TTC27: variants seen among roughly 807,000 people sequenced by gnomAD.
TTC27 encodes tetratricopeptide repeat domain 27, also known as tetratricopeptide repeat protein 27.
TTC27 carries 79 observed loss-of-function variants against 115.9 expected under a neutral mutation model. That is an observed-to-expected ratio of 0.68 (90% CI 0.57 to 0.82). TTC27 has a LOEUF of 0.82. TTC27 is among the 40% of genes least tolerant of loss of function. TTC27 has a pLI of 0.00. For synonymous variants in TTC27, 401 were observed against 356.0 expected (o/e 1.13, Z -1.42); for missense variants, 1,054 against 993.1 (o/e 1.06, Z -0.82).
At chr2:32,678,253 CAAAAA>C (rs10710939) in intron 8 of TTC27, among the ~76,000 whole-genome samples, 3 of 99,144 alleles carry the variant, frequency 3.0e-5, no homozygotes, top group Non-Finnish European at 4.1e-5. Flanking sequence ...AGCCCTGTCT[CAAAAA>C]AAAAAAAAAA....
intron 13 of TTC27, among the ~76,000 whole-genome samples, chr2:32,775,548 T>C (rs1352338880): frequency 6.6e-6 from 1 of 152,186 alleles, no homozygotes; most frequent in Non-Finnish European, 1.5e-5. Context: ...TGTTCTTTGC[T>C]GATGCAGAAA....
chr2:32,684,169 A>G (rs553434114), intron 9 of TTC27, among the ~76,000 whole-genome samples: 37 of 152,122 alleles, frequency 2.4e-4, no homozygotes, highest in African/African-American at 8.7e-4. Flanking sequence ...GGGGGAAAAA[A>G]GTTTGTTTGG....
At chr2:32,815,872 G>A (rs941948588) in intron 18 of TTC27, among the ~76,000 whole-genome samples, 5 of 152,178 alleles carry the variant, frequency 3.3e-5, no homozygotes, top group South Asian at 4.1e-4. Flanking sequence ...AATGAGAAAT[G>A]TCAAAGTCTA....
Position 32,669,338 on chromosome 2 carries a change from T to C in TTC27, c.939+2570T>C, listed in dbSNP as rs117668520. ...GAAATAAAATACATTCAGATAATCT[T>C]ATGGTCTTTGTTAATTACTACTTGA... On this transcript the variant is annotated intron_variant, in intron 7 of 19. Coordinates refer to ENST00000317907, the MANE Select transcript of TTC27 (RefSeq NM_017735.5). 5.6e-4 allele frequency among the ~76,000 whole-genome samples: 85 copies of C among 152,332 alleles called. 3 individuals carry two copies. In the East Asian group the frequency reaches 0.015, roughly 27 times the overall value.
intron 12 of TTC27, among the ~76,000 whole-genome samples, chr2:32,744,337 T>C (rs1668745586): frequency 6.6e-6 from 1 of 152,160 alleles, no homozygotes; most frequent in Non-Finnish European, 1.5e-5. Context: ...TGTGGAAAAA[T>C]TTAGTTTTGA....
chr2:32,755,558 C>T (rs1558326940), intron 12 of TTC27, among the ~76,000 whole-genome samples: 1 of 151,552 alleles, frequency 6.6e-6, no homozygotes, highest in Non-Finnish European at 1.5e-5. Context: ...GGCTCGGCAT[C>T]AGAGGGAGAC....
intron 12 of TTC27, 48 bp from the exon 13 acceptor site, chr2:32,758,242 AAT>A: frequency 6.5e-7 from 1 of 1,535,512 alleles, no homozygotes; most frequent in Non-Finnish European, 8.9e-7. Context: ...TAAAAAAAAA[AAT>A]AGCAGTTAAT....
chr2:32,679,886 A>C (rs34110784), intron 9 of TTC27, among the ~76,000 whole-genome samples: 1 of 151,990 alleles, frequency 6.6e-6, no homozygotes, highest in Admixed American at 6.6e-5. Context: ...CAGCTACTCT[A>C]GAAGCTGAGA....
At chr2:32,666,921 T>G (rs1665799770) in intron 7 of TTC27, among the ~76,000 whole-genome samples, 153 bp downstream of exon 7, 1 of 151,890 alleles carries the variant, frequency 6.6e-6, no homozygotes, top group Non-Finnish European at 1.5e-5. Flanking sequence ...GGAGAACTGG[T>G]GTTTAACTGG....
At chr2:32,791,091 A>T (rs999507537) in intron 16 of TTC27, among the ~76,000 whole-genome samples, 1 of 152,184 alleles carries the variant, frequency 6.6e-6, no homozygotes, top group Admixed American at 6.5e-5. Context: ...TTTCTAGATT[A>T]TACATATTTT....
At chr2:32,682,844 G>GGTTTTTTTTTTTT (rs1553550061) in intron 9 of TTC27, among the ~76,000 whole-genome samples, 2 of 56,988 alleles carry the variant, frequency 3.5e-5, no homozygotes, top group African/African-American at 1.5e-4. Context: ...AATTTTTATT[G>GGTTTTTTTTTTTT]TTGTTTTTTT....
intron 16 of TTC27, among the ~76,000 whole-genome samples, chr2:32,800,528 C>T (rs1037805761): frequency 3.3e-5 from 5 of 151,478 alleles, no homozygotes; most frequent in South Asian, 2.1e-4. Flanking sequence ...GACAGAGTCT[C>T]GCTCTGTCGC....
intron 9 of TTC27, among the ~76,000 whole-genome samples, chr2:32,694,017 C>A (rs1666900474): frequency 6.6e-6 from 1 of 152,124 alleles, no homozygotes; most frequent in South Asian, 2.1e-4. Context: ...CTGGTTAGAA[C>A]CACCGTTGTA....
intron 3 of TTC27, among the ~76,000 whole-genome samples, chr2:32,636,623 G>C (rs1664438971): frequency 6.6e-6 from 1 of 152,172 alleles, no homozygotes; most frequent in Non-Finnish European, 1.5e-5. Flanking sequence ...TCTGTAGCTG[G>C]GGCATTGGAA....
intron 13 of TTC27, among the ~76,000 whole-genome samples, chr2:32,763,762 A>G (rs1669525724): frequency 6.6e-6 from 1 of 152,186 alleles, no homozygotes; most frequent in South Asian, 2.1e-4. Context: ...TACGCTTTGG[A>G]GATTGCTAGC....
In TTC27 at chr2:32,790,442, A is replaced by G. The variant is rs1162809660; in HGVS notation, c.1998+3293A>G. ...TCCATTTTATAATTTTATTAATAAT[A>G]TTTTAATTGGCAAACTCTAATTGTA... On this transcript the variant is annotated intron_variant, in intron 16 of 19. Transcript: ENST00000317907. 2.7e-4 allele frequency among the ~76,000 whole-genome samples: 41 copies of G among 152,118 alleles called. 1 individual carries two copies. Among genetic ancestry groups the G allele is most frequent in the Admixed American group, 2.7e-3 (41 of 15,268 alleles).
chr2:32,710,967 A>G (rs1456727381), intron 10 of TTC27, among the ~76,000 whole-genome samples: 1 of 151,410 alleles, frequency 6.6e-6, no homozygotes, highest in African/African-American at 2.4e-5. Context: ...ATACAAAACA[A>G]TTAGCTAGGC....
intron 12 of TTC27, among the ~76,000 whole-genome samples, chr2:32,740,363 A>C (rs1668588765): frequency 6.6e-6 from 1 of 152,070 alleles, no homozygotes; most frequent in Non-Finnish European, 1.5e-5. Flanking sequence ...GGACTCTTAA[A>C]AAGTTTTCCT....
rs909076013 is a variant in TTC27, at chr2:32,787,283, TC to T, written c.1998+135del. On this transcript the variant is annotated intron_variant, in intron 16 of 19. Transcript: ENST00000317907. ...GTAACATATGAAAAGGGTATTTTTT[TC>T]TAGTCAAATATTCTTCATGATATAT... 42 of 941,974 alleles carry T rather than the reference TC, an allele frequency of 4.5e-5. No individual in the cohort carries two copies. The African/African-American group carries it at 6.4e-4, about 14-fold the overall frequency. The allele number at this position is 941,974 out of a possible 1,614,324, so 58.4% of individuals were successfully genotyped here. A position where few individuals can be genotyped will look rare whatever the true frequency, so the allele number is the denominator to read the frequency against.
Sources: gnomAD v4.1 joint callset for allele counts (sites outside exome capture counted in the v4.1 genomes callset) on GRCh38, gnomAD v4.1.1 for gene constraint, MANE v1.5 for transcripts, NCBI Gene and HGNC (gene_info 2026-07-23, HGNC 2026-07-21) for gene names.